MOSMO: variants seen among roughly 807,000 people sequenced by gnomAD.
MOSMO encodes the protein modulator of smoothened protein.
Under a neutral mutation model 18.4 loss-of-function variants are expected in MOSMO, and 5 were observed. That is an observed-to-expected ratio of 0.27 (90% confidence interval 0.14 to 0.57). MOSMO has a LOEUF of 0.57. Among genes scored for constraint, MOSMO ranks in the 20% least tolerant of loss-of-function variants. The pLI is 0.92. For missense variants in MOSMO, 138 were observed against 211.8 expected, an observed-to-expected ratio of 0.65 and a Z score of 2.16; for synonymous variants, 82 against 82.3, an observed-to-expected ratio of 1.00 and a Z score of 0.02.
chr16:22,027,187 A>G (rs1474272003), intron 1 of MOSMO, among the ~76,000 whole-genome samples: 2 of 152,232 alleles, frequency 1.3e-5, no homozygotes, highest in Non-Finnish European at 1.5e-5. Context: ...TGCTTTCATT[A>G]GGTTAACTGC....
chr16:22,030,267 G>C (rs766205459), intron 1 of MOSMO, among the ~76,000 whole-genome samples: 9 of 152,086 alleles, frequency 5.9e-5, no homozygotes, highest in Non-Finnish European at 1.0e-4. Context: ...TATTCACTGG[G>C]ATCCAGAACC....
chr16:22,040,967 AAAAC>A lies in MOSMO; in HGVS notation c.106+32569_106+32572del, dbSNP rs1457361170. Among the ~76,000 whole-genome samples, 7 of 152,192 alleles carry A rather than the reference AAAAC, an allele frequency of 4.6e-5. 1 individual carries two copies. The highest frequency in any genetic ancestry group is 1.0e-4 in the Non-Finnish European group (7 of 68,030). ...CAACAGATTGAGACTCTATCTCCAAAAAACAAACAAACGAACAAACAAAAAAGGT... is the reference window on the plus strand; with the variant it reads ...CAACAGATTGAGACTCTATCTCCAAAAAACAAACGAACAAACAAAAAAGGT... On this transcript the variant is annotated intron_variant, in intron 1 of 2. Coordinates refer to ENST00000542527, the MANE Select transcript of MOSMO (RefSeq NM_001164579.2).
chr16:22,039,017 CCTT>C (rs1900161516), intron 1 of MOSMO, among the ~76,000 whole-genome samples: 2 of 152,144 alleles, frequency 1.3e-5, no homozygotes, highest in East Asian at 1.9e-4. Context: ...GATTACTTAA[CCTT>C]CTCTCAGCTT....
chr16:22,043,027 A>C (rs1299931390), intron 1 of MOSMO, among the ~76,000 whole-genome samples: 1 of 151,912 alleles, frequency 6.6e-6, no homozygotes, highest in African/African-American at 2.4e-5. Flanking sequence ...CTGTCCAGCC[A>C]CTTTTATTTT....
intron 1 of MOSMO, among the ~76,000 whole-genome samples, chr16:22,067,925 A>G (rs1900779306): frequency 6.6e-6 from 1 of 152,124 alleles, no homozygotes; most frequent in Non-Finnish European, 1.5e-5. Flanking sequence ...CAGTAATTCT[A>G]TATCCAGCAA....
intron 1 of MOSMO, among the ~76,000 whole-genome samples, chr16:22,032,358 AT>A (rs1030149486): frequency 1.4e-4 from 21 of 151,706 alleles, no homozygotes; most frequent in Admixed American, 1.0e-3. Context: ...GTCCAAGCTA[AT>A]TTTTGTGTTT....
chr16:22,080,050 C>T (rs1175302598), intron 2 of MOSMO, among the ~76,000 whole-genome samples: 4 of 152,146 alleles, frequency 2.6e-5, no homozygotes, highest in African/African-American at 7.2e-5. Context: ...CCCCAAAGTG[C>T]TGGGATTACA....
chr16:22,051,942 C>T (rs1031476733), intron 1 of MOSMO, among the ~76,000 whole-genome samples: 4 of 152,052 alleles, frequency 2.6e-5, no homozygotes, highest in African/African-American at 9.7e-5. Context: ...GTCACAAAAG[C>T]CTTCTGTGTT....
At chr16:22,086,687 A>G (rs1901187599), downstream of MOSMO, among the ~76,000 whole-genome samples, 2 of 152,198 alleles carry the variant, frequency 1.3e-5, no homozygotes, top group South Asian at 2.1e-4. Context: ...TTTAAAGGAG[A>G]TAAAGTTCCA....
intron 1 of MOSMO, among the ~76,000 whole-genome samples, chr16:22,035,234 C>T (rs1198300057): frequency 6.6e-6 from 1 of 151,976 alleles, no homozygotes; most frequent in Non-Finnish European, 1.5e-5. Context: ...GTGCCTTGCC[C>T]CACTTAGGTG....
Position 22,075,569 on chromosome 16 carries a change from G to A in MOSMO, c.189G>A (p.Pro63=), listed in dbSNP as rs1165019091. The A allele has an allele frequency of 1.5e-5, 23 of 1,537,132 alleles. No homozygotes were observed. Among genetic ancestry groups the A allele is most frequent in the Admixed American group, 1.2e-4 (6 of 50,982 alleles). Residue 63 remains proline, a synonymous_variant, in exon 2 of 3, where the codon CCG becomes CCA. Coordinates refer to ENST00000542527, the MANE Select transcript of MOSMO (RefSeq NM_001164579.2). ...CGTGCATCCCTCCCCGGCTTCCCCC[G>A]GAGTGGGTCACCACACTGTTTTTTA... ...DRTCIPPRLP[P]EWVTTLFFII...
At chr16:22,051,862 A>G (rs1204065783) in intron 1 of MOSMO, among the ~76,000 whole-genome samples, 1 of 152,156 alleles carries the variant, frequency 6.6e-6, no homozygotes, top group East Asian at 1.9e-4. Context: ...AGACAGTGTC[A>G]GAATTGAATT....
intron 1 of MOSMO, among the ~76,000 whole-genome samples, chr16:22,041,833 C>A (rs1028121372): frequency 6.6e-6 from 1 of 151,894 alleles, no homozygotes; most frequent in Non-Finnish European, 1.5e-5. Flanking sequence ...TACCACCATG[C>A]CTGCCTACTT....
intron 1 of MOSMO, among the ~76,000 whole-genome samples, chr16:22,049,025 G>A (rs1268244761): frequency 6.6e-6 from 1 of 152,054 alleles, no homozygotes; most frequent in Non-Finnish European, 1.5e-5. Flanking sequence ...CTGGGTGGGA[G>A]GATATTAACA....
intron 1 of MOSMO, among the ~76,000 whole-genome samples, chr16:22,047,162 A>G (rs1242818723): frequency 6.7e-6 from 1 of 149,280 alleles, no homozygotes; most frequent in Non-Finnish European, 1.5e-5. Flanking sequence ...CTTTTTTCTC[A>G]TGTGTTAGAG....
At chr16:22,092,594 G>T in the MOSMO span, 1 of 1,548,902 alleles carries the variant, frequency 6.5e-7, no homozygotes, top group Non-Finnish European at 8.7e-7. Flanking sequence ...GAGAAGTAAG[G>T]CCCTGGAGTG....
At chr16:22,017,127 C>T (rs1204861268) in intron 1 of MOSMO, among the ~76,000 whole-genome samples, 1 of 152,092 alleles carries the variant, frequency 6.6e-6, no homozygotes, top group Non-Finnish European at 1.5e-5. Flanking sequence ...CATTTCAATG[C>T]ATACTTAGGT....
intron 1 of MOSMO, among the ~76,000 whole-genome samples, chr16:22,018,492 T>C (rs756665618): frequency 1.3e-5 from 2 of 152,224 alleles, no homozygotes; most frequent in Non-Finnish European, 2.9e-5. Context: ...TACCATCATT[T>C]TGATAAAAGA....
chr16:22,030,119 A>G (rs918424376), intron 1 of MOSMO, among the ~76,000 whole-genome samples: 6 of 152,194 alleles, frequency 3.9e-5, no homozygotes, highest in African/African-American at 1.4e-4. Flanking sequence ...GAAGAAATCT[A>G]CACAAAGGAC....
Sources: allele counts gnomAD v4.1 joint callset (sites outside exome capture counted in the v4.1 genomes callset), GRCh38; gene constraint gnomAD v4.1.1; transcripts MANE v1.5; gene names NCBI Gene and HGNC (gene_info 2026-07-23, HGNC 2026-07-21).